Variants in DDHD2 observed in about 807,000 individuals in gnomAD.
DDHD2 encodes triacylglycerol hydrolase DDHD2.
Under a neutral mutation model 91.2 loss-of-function variants are expected in DDHD2, and 62 were observed. That is an observed-to-expected ratio of 0.68 (90% CI 0.55 to 0.84). DDHD2 has a LOEUF of 0.84. Ranked by LOEUF, DDHD2 falls within the 40% of genes least tolerant of loss-of-function variation. The pLI, the probability that DDHD2 is intolerant of heterozygous loss-of-function variation, is 0.00. For synonymous variants in DDHD2, 271 were observed against 293.9 expected, an observed-to-expected ratio of 0.92 and a Z score of 0.80; for missense variants, 740 against 846.9, an observed-to-expected ratio of 0.87 and a Z score of 1.57.
intron 5 of DDHD2, 108 bp from the exon 6 acceptor site, chr8:38,240,167 A>T (rs1271458134): frequency 1.9e-6 from 1 of 523,294 alleles, no homozygotes; most frequent in Admixed American, 3.2e-5. Flanking sequence ...CTTTTAAATT[A>T]TCTGTTCATC....
intron 10 of DDHD2, 54 bp from the exon 11 acceptor site, chr8:38,249,654 A>G (rs1805949456): frequency 7.6e-7 from 1 of 1,307,288 alleles, no homozygotes; most frequent in Non-Finnish European, 1.1e-6. Flanking sequence ...CTTAGGGGAC[A>G]GGATTGATTT....
intron 9 of DDHD2, 59 bp from the exon 10 acceptor site, chr8:38,247,654 T>C: frequency 8.8e-7 from 1 of 1,131,606 alleles, no homozygotes; most frequent in Non-Finnish European, 1.2e-6. Flanking sequence ...TACTGCAAAA[T>C]AGTATTAAAG....
At chr8:38,268,969 C>CG (rs749442059) in intron 1 of DDHD2, 93 of 1,566,740 alleles carry the variant, frequency 5.9e-5, no homozygotes, top group Non-Finnish European at 7.2e-5. Flanking sequence ...GTCTCTGGAA[C>CG]GGGGGGAGCA....
rs767497993 is a variant in DDHD2 at position 38,242,262 on chromosome 8, G to A, written c.725G>A (p.Arg242His). The change falls in exon 7 of 18, where the codon CGC becomes CAC. Residue 242 changes from arginine (R) to histidine (H), a missense_variant. Physicochemically the swap from Arg to His is conservative, Grantham distance 29. Transcript: ENST00000397166. ...RSIVQCVNDF[R>H]SVSLNLLQTH... ...TTTTCTTTTCCAGTTAATGATTTTC[G>A]CAGTGTTTCCTTGAACTTGCTACAG... 48 of 1,585,198 alleles carry A rather than the reference G, an allele frequency of 3.0e-5. No individual in the cohort carries two copies. The highest frequency in any genetic ancestry group is 4.0e-5 in the Admixed American group (2 of 49,968).
chr8:38,263,378 C>T, downstream of DDHD2: 1 of 985,348 alleles, frequency 1.0e-6, no homozygotes, highest in Non-Finnish European at 1.2e-6. Flanking sequence ...ACCTTAGTCA[C>T]TTGGCAGTGT....
chr8:38,245,726 T>C lies in DDHD2; in HGVS notation c.849-16T>C, dbSNP rs368366779. ...GTATTTAGGTTTCCTGCTTATATTA[T>C]TTTTCCTTTTTTCAGAGATCTGCAG... On this transcript the variant is annotated splice_polypyrimidine_tract_variant and intron_variant, in intron 7 of 17. Transcript: ENST00000397166. 92 of 1,611,716 alleles carry C rather than the reference T, an allele frequency of 5.7e-5. No homozygotes were observed. In the African/African-American group the frequency reaches 1.1e-3, roughly 18 times the overall value.
At chr8:38,238,949 G>C (rs1327709633) in intron 5 of DDHD2, 1 of 152,894 alleles carries the variant, frequency 6.5e-6, no homozygotes, top group African/African-American at 2.4e-5. Flanking sequence ...GTGTGTGTGT[G>C]TGTACACACA....
intron 6 of DDHD2, 103 bp from the exon 7 acceptor site, chr8:38,242,147 T>C (rs1034816103): frequency 3.3e-6 from 3 of 899,890 alleles, no homozygotes; most frequent in Non-Finnish European, 5.0e-6. Context: ...TCAGTATGTG[T>C]TCTGTGCAAA....
chr8:38,237,204 C>T (rs1048184500), intron 3 of DDHD2, among the ~76,000 whole-genome samples: 5 of 151,838 alleles, frequency 3.3e-5, no homozygotes, highest in African/African-American at 4.8e-5. Flanking sequence ...GGCCAAACCC[C>T]GTATCTACTA....
At chr8:38,270,408 A>G (rs535099941) in intron 1 of DDHD2, 13 of 152,368 alleles carry the variant, frequency 8.5e-5, no homozygotes, top group African/African-American at 1.9e-4. Flanking sequence ...TGAGTTTCTC[A>G]TATCAATTCC....
At chr8:38,245,663 T>A in intron 7 of DDHD2, 79 bp from the exon 8 acceptor site, 1 of 1,281,764 alleles carries the variant, frequency 7.8e-7, no homozygotes, top group Non-Finnish European at 1.1e-6. Context: ...ATAAAATGTT[T>A]AAGCTTGAAG....
intron 16 of DDHD2, among the ~76,000 whole-genome samples, chr8:38,258,814 G>A (rs937913766): frequency 1.5e-4 from 23 of 152,176 alleles, no homozygotes; most frequent in African/African-American, 4.8e-4. Flanking sequence ...TCAAAAGGAT[G>A]CATGACTCAA....
intron 1 of DDHD2, chr8:38,268,810 G>A (rs1246375489): frequency 1.9e-5 from 27 of 1,455,702 alleles, no homozygotes; most frequent in Middle Eastern, 4.0e-4. Flanking sequence ...CCGTCTCGGG[G>A]TGGAAAACGC....
At chr8:38,266,514 C>T, downstream of DDHD2, 1 of 503,086 alleles carries the variant, frequency 2.0e-6, no homozygotes, top group Non-Finnish European at 3.5e-6. Flanking sequence ...GATTCTCCTG[C>T]CTTAGCCTCC....
At chr8:38,263,258 C>T (rs756815726), downstream of DDHD2, 4 of 334,292 alleles carry the variant, frequency 1.2e-5, no homozygotes, top group Non-Finnish European at 1.7e-5. Context: ...GGTCCTATGG[C>T]ATCCATTCTG....
In DDHD2 at chr8:38,252,842, A is replaced by G; in HGVS notation, c.1720+18A>G. 5 of 1,612,802 alleles carry G rather than the reference A, an allele frequency of 3.1e-6. No individual in the cohort carries two copies. The highest frequency in any genetic ancestry group is 4.2e-6 in the Non-Finnish European group (5 of 1,178,832). On this transcript the variant is annotated intron_variant, in intron 14 of 17. Coordinates refer to ENST00000397166, the MANE Select transcript of DDHD2 (RefSeq NM_015214.3). ...GCACTTAGGTAAGTCCGAGCATAGA[A>G]CTTGATAATTCTAGACCTTTTGGCC... is the stretch of plus-strand genomic sequence containing the variant.
Position 38,231,740 on chromosome 8 carries a change from GC to G in DDHD2, c.-127del, listed in dbSNP as rs967029607. The G allele has an allele frequency of 6.6e-6, 1 of 152,136 alleles. No individual in the cohort carries two copies. The highest frequency in any genetic ancestry group is 2.4e-5 in the African/African-American group (1 of 41,434). 9.4% of individuals were successfully genotyped at this position (152,136 alleles called of 1,614,324 possible). A position where few individuals can be genotyped will look rare whatever the true frequency, so the allele number is the denominator to read the frequency against. ...TGGTGTTCGGCGCGAGCCCGGCGGG[GC>G]TGCAGGTTCCGCCCTGCTCCGCCGC... On this transcript the variant is annotated 5_prime_UTR_variant, in exon 1 of 18. Coordinates refer to ENST00000397166, the MANE Select transcript of DDHD2 (RefSeq NM_015214.3).
intron 9 of DDHD2, chr8:38,247,215 C>T (rs1282704705): frequency 6.6e-6 from 1 of 151,500 alleles, no homozygotes; most frequent in Non-Finnish European, 1.5e-5. Context: ...TCACTGCAAC[C>T]TCTGCCTGCA....
At chr8:38,269,323 G>GTCTT in intron 1 of DDHD2, 1 of 1,042,226 alleles carries the variant, frequency 9.6e-7, no homozygotes, top group Non-Finnish European at 1.3e-6. Context: ...CAGGAAGACG[G>GTCTT]CCTGGCGGCT....
Sources: allele counts gnomAD v4.1 joint callset (sites outside exome capture counted in the v4.1 genomes callset), GRCh38; gene constraint gnomAD v4.1.1; transcripts MANE v1.5; gene names NCBI Gene and HGNC (gene_info 2026-07-23, HGNC 2026-07-21).